The following PACS2 variants were observed in gnomAD, a reference collection of about 807,000 sequenced individuals.
The protein encoded by PACS2 is phosphofurin acidic cluster sorting protein 2.
PACS2 carries 36 observed loss-of-function variants against 113.0 expected under a neutral mutation model. That is an observed-to-expected ratio of 0.32 (90% confidence interval 0.24 to 0.42). PACS2 has a LOEUF of 0.42. Ranked by LOEUF, PACS2 falls within the 10% of genes least tolerant of loss-of-function variation. The probability of loss-of-function intolerance (pLI) is 1.00; values close to 1 mark genes in which losing one functional copy is unlikely to be tolerated. For missense variants in PACS2, 1,015 were observed against 1,239.5 expected (o/e 0.82, Z 2.72); for synonymous variants, 589 against 536.1 (o/e 1.10, Z -1.36).
chr14:105,355,051 G>C lies in PACS2; in HGVS notation c.298-1G>C. 6.2e-7 allele frequency: 1 copy of C among 1,612,890 alleles called. No individual in the cohort carries two copies. The highest frequency in any genetic ancestry group is 8.5e-7 in the Non-Finnish European group (1 of 1,179,658). ...GCTGCCACTCGCACTTGTGCCCACAGTATCCTCACTTCTTGAAGAGGGAAG... is the reference window on the plus strand; with the variant it reads ...GCTGCCACTCGCACTTGTGCCCACACTATCCTCACTTCTTGAAGAGGGAAG... On this transcript the variant is annotated splice_acceptor_variant, in intron 3 of 24. Transcript: ENST00000447393. LOFTEE classifies it high-confidence loss of function. This position sits in a 1 kb window ranked among gnomAD's most constrained non-coding sequence, Gnocchi z 4.1.
intron 1 of PACS2, among the ~76,000 whole-genome samples, chr14:105,318,843 G>C (rs2058770051): frequency 6.6e-6 from 1 of 151,682 alleles, no homozygotes; most frequent in African/African-American, 2.4e-5. Flanking sequence ...TATATTTTTA[G>C]TAGAGATGGG....
chr14:105,326,282 C>A (rs145189841), intron 1 of PACS2, among the ~76,000 whole-genome samples: 22 of 152,268 alleles, frequency 1.4e-4, no homozygotes, highest in Non-Finnish European at 3.2e-4. Context: ...ACGGGTGGGG[C>A]GGGGGCTCCG....
Position 105,383,519 on chromosome 14 carries a change from C to T in PACS2, c.1780+6C>T. The T allele has an allele frequency of 6.3e-7, 1 of 1,578,746 alleles. No individual in the cohort carries two copies. Among genetic ancestry groups the T allele is most frequent in the Non-Finnish European group, 8.6e-7 (1 of 1,162,080 alleles). On this transcript the variant is annotated splice_donor_region_variant and intron_variant, in intron 16 of 24. Transcript: ENST00000447393. ...CTTCCTGGTCATCCCACTGGGTGAG[C>T]ACCACGCCGTCCACCTGGGCCTGGG... is the stretch of plus-strand genomic sequence containing the variant.
chr14:105,333,351 G>T (rs780269911), intron 1 of PACS2, among the ~76,000 whole-genome samples: 1 of 152,220 alleles, frequency 6.6e-6, no homozygotes, highest in Non-Finnish European at 1.5e-5. Context: ...AAGCTGCCCC[G>T]TTGCAGGCGT....
chr14:105,348,288 G>A lies in PACS2; in HGVS notation c.120-205G>A, dbSNP rs970637179. On this transcript the variant is annotated intron_variant, in intron 1 of 24. Transcript: ENST00000447393. The surrounding 1 kb of genome is among the most constrained non-coding windows in gnomAD (Gnocchi z 6.4). ...TGGGACCTCTGGCCCGGCAGCCAAC[G>A]GATGCTGAGGGGTGCCCACCATGTG... 1.3e-5 allele frequency among the ~76,000 whole-genome samples: 2 copies of A among 152,176 alleles called. No individual in the cohort carries two copies. The highest frequency in any genetic ancestry group is 2.9e-5 in the Non-Finnish European group (2 of 68,012).
At chr14:105,368,844 C>T (rs2061047863) in intron 7 of PACS2, among the ~76,000 whole-genome samples, 1 of 152,250 alleles carries the variant, frequency 6.6e-6, no homozygotes, top group South Asian at 2.1e-4. Context: ...GCCATCCTCC[C>T]TTTTGTCCCG....
intron 1 of PACS2, among the ~76,000 whole-genome samples, chr14:105,301,572 C>T: frequency 6.6e-6 from 1 of 152,172 alleles, no homozygotes; most frequent in East Asian, 1.9e-4. Flanking sequence ...CCGCCAGGGG[C>T]CACCCTGCCC....
rs1555415243 is a variant in PACS2 at position 105,392,678 on chromosome 14, C to T, written c.2315C>T (p.Pro772Leu). The change falls in exon 23 of 25, where the codon CCT (proline) becomes CTT (leucine). Residue 772 changes from proline (P) to leucine (L), a missense_variant. By Grantham distance (98) the Pro-to-Leu change is moderately conservative. This residue lies in a region of PACS2 where 859 missense variants were observed against 1,056.8 expected (regional missense o/e 0.81). Coordinates refer to ENST00000447393, the MANE Select transcript of PACS2 (RefSeq NM_001100913.3). ...GTGGACTACTGGACGGCAGCACAGC[C>T]TGCGGACAGGAAGAGGGACGCCGAG... ...LQVDYWTAAQ[P>L]ADRKRDAEKK... 4.3e-6 allele frequency: 7 copies of T among 1,612,646 alleles called. No individual in the cohort carries two copies. Among genetic ancestry groups the T allele is most frequent in the Non-Finnish European group, 5.9e-6 (7 of 1,179,844 alleles).
intron 24 of PACS2, chr14:105,393,548 A>C (rs1475074444): frequency 4.1e-6 from 2 of 482,180 alleles, no homozygotes; most frequent in African/African-American, 4.1e-5. Flanking sequence ...TTTGCTTTTT[A>C]AAAATAATGA....
chr14:105,301,341 G>A (rs926510798), intron 1 of PACS2: 1 of 152,056 alleles, frequency 6.6e-6, no homozygotes, highest in Non-Finnish European at 1.5e-5. Flanking sequence ...GCCTCCCGTG[G>A]AGAGACGGCC....
At chr14:105,307,820 C>T (rs1443216313) in intron 1 of PACS2, among the ~76,000 whole-genome samples, 1 of 152,216 alleles carries the variant, frequency 6.6e-6, no homozygotes, top group Non-Finnish European at 1.5e-5. Context: ...GAAGGCAAGT[C>T]CCTGTTCCTG....
chr14:105,343,929 G>A (rs1227839754), intron 1 of PACS2, among the ~76,000 whole-genome samples: 5 of 151,412 alleles, frequency 3.3e-5, no homozygotes, highest in Middle Eastern at 3.2e-3. Context: ...AATTTTTGTC[G>A]AATGTGTGAT....
chr14:105,391,000 C>G, intron 20 of PACS2: 6 of 604,554 alleles, frequency 9.9e-6, no homozygotes. Context: ...GCCACGCACC[C>G]TGAGCACTGT....
Position 105,382,769 on chromosome 14 carries a change from G to A in PACS2, c.1519-38G>A, listed in dbSNP as rs782715365. 26 of 1,341,234 alleles carry A rather than the reference G, an allele frequency of 1.9e-5. No homozygotes were observed. In the East Asian group the frequency reaches 3.3e-4, roughly 17 times the overall value. 83.1% of individuals were successfully genotyped at this position (1,341,234 alleles called of 1,614,324 possible). On this transcript the variant is annotated intron_variant, in intron 14 of 24. Coordinates refer to ENST00000447393, the MANE Select transcript of PACS2 (RefSeq NM_001100913.3). Reference sequence around the variant, plus strand: ...GTCAGGTGCTGGGGGTGGCCTGGGCGGCTGTGCCGAAGTCAGCGTCTGCCT... The same window carrying A: ...GTCAGGTGCTGGGGGTGGCCTGGGCAGCTGTGCCGAAGTCAGCGTCTGCCT...
chr14:105,324,731 CG>C lies in PACS2; in HGVS notation c.119+9696del, dbSNP rs1182974032. ...GCCGGTGGCGCCCCGTCTCACCCCA[CG>C]GATGGGGGGCAGGCTCTCCAGGAGC... On this transcript the variant is annotated intron_variant, in intron 1 of 24. Transcript: ENST00000447393. This position sits in a 1 kb window ranked among gnomAD's most constrained non-coding sequence, Gnocchi z 4.7. Among the ~76,000 whole-genome samples the C allele has an allele frequency of 6.6e-6, 1 of 151,748 alleles. No homozygotes were observed. Among genetic ancestry groups the C allele is most frequent in the Non-Finnish European group, 1.5e-5 (1 of 67,896 alleles).
chr14:105,355,812 G>C lies in PACS2; in HGVS notation c.423+635G>C, dbSNP rs942895089. On this transcript the variant is annotated intron_variant, in intron 4 of 24. Coordinates refer to ENST00000447393, the MANE Select transcript of PACS2 (RefSeq NM_001100913.3). The surrounding 1 kb of genome is among the most constrained non-coding windows in gnomAD (Gnocchi z 4.1). ...AGTAGGGCGTGGGGGCCTGGGAGAAGACACCCCAGGCTGAGGCCTCGGACT... is the reference window on the plus strand; with the variant it reads ...AGTAGGGCGTGGGGGCCTGGGAGAACACACCCCAGGCTGAGGCCTCGGACT... 1.3e-5 allele frequency among the ~76,000 whole-genome samples: 2 copies of C among 152,158 alleles called. No individual in the cohort carries two copies. Among genetic ancestry groups the C allele is most frequent in the African/African-American group, 2.4e-5 (1 of 41,420 alleles).
intron 1 of PACS2, among the ~76,000 whole-genome samples, chr14:105,320,531 TG>T (rs2058845443): frequency 1.3e-5 from 2 of 152,212 alleles, no homozygotes; most frequent in South Asian, 4.1e-4. Context: ...TTTGTAGAGA[TG>T]GGGTCTCACT....
chr14:105,338,201 G>A (rs1354588533), intron 1 of PACS2, among the ~76,000 whole-genome samples: 1 of 152,316 alleles, frequency 6.6e-6, no homozygotes. Flanking sequence ...GCTGCATGGC[G>A]CTGGGGCTCT....
chr14:105,367,341 C>A lies in PACS2; in HGVS notation c.552C>A (p.Ser184Arg). 6.2e-7 allele frequency: 1 copy of A among 1,613,392 alleles called. No homozygotes were observed. Among genetic ancestry groups the A allele is most frequent in the African/African-American group, 1.3e-5 (1 of 75,066 alleles). ...LSSQPIDHED[S>R]TMQAGPKAKS... is the part of the protein sequence containing the mutation. ...GCCAGCCCATTGACCACGAAGACAG[C>A]ACCATGCAGGCCGGCCCCAAGGCCA... Residue 184 changes from serine to arginine, a missense_variant, in exon 5 of 25, where the codon AGC becomes AGA. Ser to Arg is a moderately radical substitution (Grantham distance 110). Transcript: ENST00000447393.
Sources: allele counts gnomAD v4.1 joint callset (sites outside exome capture counted in the v4.1 genomes callset), GRCh38; gene constraint gnomAD v4.1.1; regional missense constraint gnomAD v4.1.1; non-coding constraint Gnocchi (gnomAD v3.1); transcripts MANE v1.5; gene names NCBI Gene and HGNC (gene_info 2026-07-23, HGNC 2026-07-21).